JAKMIP2: variants seen among roughly 807,000 people sequenced by gnomAD.
JAKMIP2 encodes the protein janus kinase and microtubule interacting protein 2, also known as janus kinase and microtubule-interacting protein 2.
A neutral mutation model predicts 115.0 loss-of-function variants in JAKMIP2; 25 were observed. The observed-to-expected ratio is 0.22, with a 90% CI of 0.16 to 0.30. The LOEUF is 0.30. Among genes scored for constraint, JAKMIP2 ranks in the 10% least tolerant of loss-of-function variants. The pLI is 1.00. For synonymous variants in JAKMIP2, 334 were observed against 343.6 expected (o/e 0.97, Z 0.31); for missense variants, 642 against 957.6 (o/e 0.67, Z 4.35).
In JAKMIP2 at chr5:147,591,394, G is replaced by A; in HGVS notation, c.*313C>T. The A allele has an allele frequency of 1.0e-5, 4 of 401,212 alleles. No individual in the cohort carries two copies. The highest frequency in any genetic ancestry group is 1.8e-5 in the Non-Finnish European group (4 of 225,368). 24.9% of individuals were successfully genotyped at this position (401,212 alleles called of 1,614,324 possible). On this transcript the variant is annotated 3_prime_UTR_variant, in exon 22 of 22. Coordinates refer to ENST00000616793, the MANE Select transcript of JAKMIP2 (RefSeq NM_001270941.2). ...ATCTTTGCTTGATCTGCAGAAACTA[G>A]TTCCATTGCTGAACTTTTTCTTTAC...
At chr5:147,620,439 A>C (rs758281793) in intron 18 of JAKMIP2, among the ~76,000 whole-genome samples, 9 of 152,304 alleles carry the variant, frequency 5.9e-5, no homozygotes, top group Non-Finnish European at 1.0e-4. Flanking sequence ...AAAATGAAGT[A>C]TAATTAAATA....
chr5:147,670,390 A>G (rs1450426754), intron 2 of JAKMIP2, among the ~76,000 whole-genome samples: 1 of 152,222 alleles, frequency 6.6e-6, no homozygotes, highest in Non-Finnish European at 1.5e-5. Context: ...AATTATCTAA[A>G]TAAGGCAACT....
rs1230309947 is a variant in JAKMIP2, at chr5:147,772,543, C to CT, written c.-149+9912dup. Among the ~76,000 whole-genome samples the CT allele has an allele frequency of 2.9e-3, 415 of 144,412 alleles. 2 individuals are homozygous for CT. The highest frequency in any genetic ancestry group is 3.9e-3 in the Non-Finnish European group (257 of 65,300). 94.7% of individuals were successfully genotyped at this position (144,412 alleles called of 152,430 possible). A position where few individuals can be genotyped will look rare whatever the true frequency, so the allele number is the denominator to read the frequency against. On this transcript the variant is annotated intron_variant, in intron 1 of 21. Transcript: ENST00000616793. ...GGTGGCCCTGGTGTTGCCAGATTTTCTTTTTTTTTTTTCCTAAGAGGAGAA... is the reference window on the plus strand; with the variant it reads ...GGTGGCCCTGGTGTTGCCAGATTTTCTTTTTTTTTTTTTCCTAAGAGGAGAA...
At chr5:147,669,782 T>C (rs1023316711) in intron 2 of JAKMIP2, among the ~76,000 whole-genome samples, 5 of 152,328 alleles carry the variant, frequency 3.3e-5, no homozygotes, top group Admixed American at 3.3e-4. Flanking sequence ...ACACGAAGGC[T>C]GGAAGTCATC....
intron 1 of JAKMIP2, among the ~76,000 whole-genome samples, chr5:147,705,257 A>G (rs774220114): frequency 1.2e-4 from 18 of 152,128 alleles, no homozygotes; most frequent in Non-Finnish European, 2.1e-4. Flanking sequence ...TGGAGCCAGG[A>G]AGGGAATTCC....
At chr5:147,603,071 T>C (rs1755794623) in intron 20 of JAKMIP2, among the ~76,000 whole-genome samples, 1 of 152,154 alleles carries the variant, frequency 6.6e-6, no homozygotes, top group South Asian at 2.1e-4. Flanking sequence ...AGATCAGATA[T>C]CAGAGCTACC....
At chr5:147,701,077 C>T (rs890308859) in intron 1 of JAKMIP2, among the ~76,000 whole-genome samples, 3 of 151,812 alleles carry the variant, frequency 2.0e-5, no homozygotes, top group Admixed American at 6.6e-5. Flanking sequence ...GTAAAAAAAG[C>T]TGTAAGGTCA....
chr5:147,595,896 T>C (rs1299286278), intron 21 of JAKMIP2, among the ~76,000 whole-genome samples: 1 of 152,160 alleles, frequency 6.6e-6, no homozygotes, highest in African/African-American at 2.4e-5. Context: ...ATTAAAAAAA[T>C]GTGTATTTAT....
chr5:147,600,111 T>G (rs1395635343), intron 21 of JAKMIP2, among the ~76,000 whole-genome samples: 5 of 70,050 alleles, frequency 7.1e-5, no homozygotes, highest in Non-Finnish European at 1.2e-4. Flanking sequence ...TTTTTTTTTT[T>G]GGTGGGGGGA....
intron 1 of JAKMIP2, among the ~76,000 whole-genome samples, chr5:147,756,367 G>A (rs1200164648): frequency 6.6e-6 from 1 of 152,070 alleles, no homozygotes; most frequent in Non-Finnish European, 1.5e-5. Context: ...ACAAATTAGA[G>A]CATTCTAACC....
rs749820092 is a variant in JAKMIP2 at position 147,661,140 on chromosome 5, A to C, written c.435T>G (p.Phe145Leu). The C allele has an allele frequency of 4.3e-6, 7 of 1,613,924 alleles. No homozygotes were observed. In the South Asian group the frequency reaches 4.4e-5, roughly 10 times the overall value. The change falls in exon 3 of 22, where the codon TTT becomes TTG. Residue 145 changes from phenylalanine to leucine, a missense_variant. Phe to Leu is a conservative substitution (Grantham distance 22). This residue lies in a region of JAKMIP2 where 439 missense variants were observed against 570.9 expected (regional missense o/e 0.77). Transcript: ENST00000616793. ...IEAREEARKL[F>L]DTERLKLLQE... ...GTAAGAGCTTAAGGCGCTCTGTGTC[A>C]AACAGTTTCCGGGCCTCCTCCCGGG... is the stretch of plus-strand genomic sequence containing the variant.
chr5:147,762,822 A>C (rs1293225284), intron 1 of JAKMIP2, among the ~76,000 whole-genome samples: 1 of 152,056 alleles, frequency 6.6e-6, no homozygotes, highest in East Asian at 1.9e-4. Context: ...ATTTTTATTC[A>C]ATTATTTCCC....
chr5:147,604,800 TTTATTATTA>T (rs145441560), intron 20 of JAKMIP2, among the ~76,000 whole-genome samples: 88,634 of 143,314 alleles, frequency 0.62, 28,552 homozygotes, highest in Non-Finnish European at 0.73. Flanking sequence ...GGCCAGACAT[TTTATTATTA>T]TTATTATTAT....
At chr5:147,624,096 G>T (rs1446370697) in intron 16 of JAKMIP2, among the ~76,000 whole-genome samples, 1 of 152,106 alleles carries the variant, frequency 6.6e-6, no homozygotes, top group Non-Finnish European at 1.5e-5. Context: ...GCCTCCCAAA[G>T]TGCTGTGATT....
At chr5:147,719,050 T>C (rs1157265439) in intron 1 of JAKMIP2, among the ~76,000 whole-genome samples, 1 of 139,326 alleles carries the variant, frequency 7.2e-6, no homozygotes, top group Non-Finnish European at 1.5e-5. Context: ...ATGTTGTGTC[T>C]TTGTTCTCAT....
At chr5:147,707,540 A>G (rs1580812345) in intron 1 of JAKMIP2, among the ~76,000 whole-genome samples, 2 of 151,916 alleles carry the variant, frequency 1.3e-5, no homozygotes, top group East Asian at 3.9e-4. Flanking sequence ...CCTAGGCCCC[A>G]TGAGATTTTC....
At chr5:147,612,525 A>T (rs1756384923) in intron 19 of JAKMIP2, among the ~76,000 whole-genome samples, 154 bp from the exon 20 acceptor site, 1 of 152,174 alleles carries the variant, frequency 6.6e-6, no homozygotes, top group Admixed American at 6.5e-5. Flanking sequence ...CCACCCAAAA[A>T]CATGTTGCAT....
intron 1 of JAKMIP2, among the ~76,000 whole-genome samples, chr5:147,703,663 A>G (rs1038234346): frequency 6.6e-6 from 1 of 151,554 alleles, no homozygotes; most frequent in Non-Finnish European, 1.5e-5. Flanking sequence ...CTGAACTCAA[A>G]CAATCCTCCT....
At chr5:147,743,014 T>G (rs1754207846) in intron 1 of JAKMIP2, among the ~76,000 whole-genome samples, 1 of 152,202 alleles carries the variant, frequency 6.6e-6, no homozygotes, top group Non-Finnish European at 1.5e-5. Flanking sequence ...TTAGGCTTTT[T>G]CCCTGTGAGA....
Sources: gnomAD v4.1 joint callset for allele counts (sites outside exome capture counted in the v4.1 genomes callset) on GRCh38, gnomAD v4.1.1 for gene constraint, gnomAD v4.1.1 regional missense constraint, MANE v1.5 for transcripts, NCBI Gene and HGNC (gene_info 2026-07-23, HGNC 2026-07-21) for gene names.